Variants in CELF2 observed in about 807,000 individuals in gnomAD.
CELF2 encodes CUGBP Elav-like family member 2, also known as CUG triplet repeat RNA-binding protein 2.
In CELF2, 8 loss-of-function variants were observed where a neutral mutation model predicts 62.6. That is an observed-to-expected ratio of 0.13 (90% CI 0.07 to 0.23). The LOEUF (loss-of-function observed/expected upper bound fraction) is 0.23, where lower values mean the gene tolerates loss of function less well. CELF2 is among the 10% of genes least tolerant of loss of function. CELF2 has a pLI of 1.00. For missense variants in CELF2, 333 were observed against 671.0 expected, an observed-to-expected ratio of 0.50 and a Z score of 5.56; for synonymous variants, 258 against 250.0, an observed-to-expected ratio of 1.03 and a Z score of -0.30.
At chr10:10,647,676 C>A in the CELF2 span, among the ~76,000 whole-genome samples, 3 of 152,138 alleles carry the variant, frequency 2.0e-5, no homozygotes, top group African/African-American at 7.2e-5. Context: ...GAGAAATAGT[C>A]CCCAAAATCA....
chr10:10,578,558 C>T, the CELF2 span, among the ~76,000 whole-genome samples: 6 of 152,026 alleles, frequency 3.9e-5, no homozygotes, highest in African/African-American at 9.7e-5. Flanking sequence ...TCATGAGGTC[C>T]TCTGTTATCG....
chr10:11,133,671 G>A (rs943182758), intron 1 of CELF2, among the ~76,000 whole-genome samples: 1 of 152,186 alleles, frequency 6.6e-6, no homozygotes, highest in Non-Finnish European at 1.5e-5. Flanking sequence ...GTATCACTCC[G>A]CTTTGTAGGG....
the CELF2 span, among the ~76,000 whole-genome samples, chr10:10,731,630 C>T: frequency 6.6e-6 from 1 of 152,184 alleles, no homozygotes; most frequent in Non-Finnish European, 1.5e-5. Flanking sequence ...ATTTGAGGAG[C>T]ATTGCCTGTC....
In CELF2 at chr10:11,112,662, T is replaced by C. The variant is rs141808895; in HGVS notation, c.75-52824T>C. Among the ~76,000 whole-genome samples the C allele has an allele frequency of 9.1e-4, 138 of 152,368 alleles. 2 individuals are homozygous for C. The highest frequency in any genetic ancestry group is 1.5e-3 in the Non-Finnish European group (100 of 68,036). On this transcript the variant is annotated intron_variant, in intron 1 of 12. Transcript: ENST00000633077. Reference sequence around the variant, plus strand: ...AGTGGCAATAAAATGTAAACAACGATATTTATGGGAAAAGCAATAGTAATG... The same window carrying C: ...AGTGGCAATAAAATGTAAACAACGACATTTATGGGAAAAGCAATAGTAATG...
chr10:11,321,997 CCATAAACTACTTCATAGCTGCTGACTGT>C lies in CELF2; in HGVS notation c.1294+612_1294+639del, dbSNP rs1345128114. On this transcript the variant is annotated intron_variant, in intron 11 of 12. Transcript: ENST00000633077. The surrounding 1 kb of genome is among the most constrained non-coding windows in gnomAD (Gnocchi z 6.2). ...TTAAGTTCTATAAACTATTAATTTC[CCATAAACTACTTCATAGCTGCTGACTGT>C]AAATAATTCCCAGGGACCTCCCTCT... 2.0e-5 allele frequency among the ~76,000 whole-genome samples: 3 copies of C among 152,178 alleles called. No individual in the cohort carries two copies. Among genetic ancestry groups the C allele is most frequent in the African/African-American group, 7.2e-5 (3 of 41,430 alleles).
intron 2 of CELF2, among the ~76,000 whole-genome samples, chr10:10,973,299 A>G (rs921167029): frequency 6.6e-6 from 1 of 151,884 alleles, no homozygotes; most frequent in Non-Finnish European, 1.5e-5. Context: ...AAAACAGAAA[A>G]CAAAAAAAGC....
intron 1 of CELF2, among the ~76,000 whole-genome samples, chr10:11,063,008 G>A (rs892102134): frequency 9.2e-5 from 14 of 152,190 alleles, no homozygotes; most frequent in African/African-American, 2.9e-4. Flanking sequence ...ACGATTGCAA[G>A]CAGCGGAAGA....
In CELF2 at chr10:11,260,820, C is replaced by T. The variant is rs753746361; in HGVS notation, c.538+2948C>T. Among the ~76,000 whole-genome samples the T allele has an allele frequency of 2.0e-5, 3 of 152,190 alleles. No homozygotes were observed. Among genetic ancestry groups the T allele is most frequent in the Non-Finnish European group, 2.9e-5 (2 of 68,034 alleles). On this transcript the variant is annotated intron_variant, in intron 5 of 12. Coordinates refer to ENST00000633077, the MANE Select transcript of CELF2 (RefSeq NM_001326342.2). This position sits in a 1 kb window ranked among gnomAD's most constrained non-coding sequence, Gnocchi z 4.2. ...TTCAATTCGCAGGACCCAGGGACTC[C>T]TGGCTACAGGGGCCTGCTCCTGAAT... is the stretch of plus-strand genomic sequence containing the variant.
the CELF2 span, among the ~76,000 whole-genome samples, chr10:10,601,693 A>G: frequency 6.6e-6 from 1 of 151,516 alleles, no homozygotes; most frequent in African/African-American, 2.4e-5. Flanking sequence ...CATTCTCTCA[A>G]TTGCAGTTTA....
At chr10:10,686,561 G>A in the CELF2 span, among the ~76,000 whole-genome samples, 3 of 151,972 alleles carry the variant, frequency 2.0e-5, no homozygotes, top group East Asian at 5.8e-4. Flanking sequence ...TGAATCATAG[G>A]GTAGTTTCCC....
chr10:10,951,268 T>C (rs1351754887), intron 2 of CELF2, among the ~76,000 whole-genome samples: 1 of 152,100 alleles, frequency 6.6e-6, no homozygotes, highest in Non-Finnish European at 1.5e-5. Context: ...CTTGGCTTTC[T>C]GAGTAGCTGG....
At chr10:10,526,293 AT>A in the CELF2 span, among the ~76,000 whole-genome samples, 1 of 152,264 alleles carries the variant, frequency 6.6e-6, no homozygotes, top group African/African-American at 2.4e-5. Flanking sequence ...AAAATTATGG[AT>A]TTATTGCATA....
Position 10,957,606 on chromosome 10 carries a change from C to A in CELF2, c.89+37607C>A, listed in dbSNP as rs2049041964. Among the ~76,000 whole-genome samples, 1 of 152,168 alleles carries A rather than the reference C, an allele frequency of 6.6e-6. No individual in the cohort carries two copies. The highest frequency in any genetic ancestry group is 1.5e-5 in the Non-Finnish European group (1 of 68,034). Reference sequence around the variant, plus strand: ...CAGAGAGGTCAAAGTCAGTGGGCAACCTCTTACCTGAAGAACACGTTCAGG... The same window carrying A: ...CAGAGAGGTCAAAGTCAGTGGGCAAACTCTTACCTGAAGAACACGTTCAGG... On this transcript the variant is annotated intron_variant, in intron 2 of 13. Coordinates refer to the CELF2 transcript ENST00000636488. The surrounding 1 kb of genome is among the most constrained non-coding windows in gnomAD (Gnocchi z 4.1).
At chr10:10,891,333 C>T (rs1050695056) in intron 1 of CELF2, among the ~76,000 whole-genome samples, 4 of 152,096 alleles carry the variant, frequency 2.6e-5, no homozygotes, top group Non-Finnish European at 5.9e-5. Flanking sequence ...GGAAGAAATG[C>T]TGTTGCCTCC....
At chr10:10,500,705 G>A in the CELF2 span, among the ~76,000 whole-genome samples, 23 of 152,106 alleles carry the variant, frequency 1.5e-4, no homozygotes, top group Admixed American at 8.5e-4. Flanking sequence ...CATCACAACC[G>A]GGATGCTGAC....
chr10:10,507,904 C>T, the CELF2 span, among the ~76,000 whole-genome samples: 7 of 152,232 alleles, frequency 4.6e-5, no homozygotes, highest in South Asian at 2.1e-4. Context: ...GAGTCAAGCC[C>T]GGTTCCAGGG....
chr10:10,868,915 G>A (rs574660558), intron 1 of CELF2, among the ~76,000 whole-genome samples: 15 of 152,304 alleles, frequency 9.8e-5, no homozygotes, highest in African/African-American at 3.6e-4. Context: ...AATTTCAATG[G>A]TAGGTATGTC....
intron 1 of CELF2, among the ~76,000 whole-genome samples, chr10:11,089,362 A>T (rs2047690186): frequency 6.6e-6 from 1 of 152,214 alleles, no homozygotes; most frequent in African/African-American, 2.4e-5. Context: ...GTAGTAACTG[A>T]AGATAGAGGA....
intron 1 of CELF2, among the ~76,000 whole-genome samples, chr10:11,131,803 AG>A (rs1430775893): frequency 1.3e-5 from 2 of 152,210 alleles, no homozygotes; most frequent in African/African-American, 4.8e-5. Flanking sequence ...CAGTGGTGAA[AG>A]AAACATCATT....
Sources: gnomAD v4.1 joint callset for allele counts (sites outside exome capture counted in the v4.1 genomes callset) on GRCh38, gnomAD v4.1.1 for gene constraint, Gnocchi (gnomAD v3.1) non-coding constraint, MANE v1.5 for transcripts, NCBI Gene and HGNC (gene_info 2026-07-23, HGNC 2026-07-21) for gene names.